PHACTR1: variants seen among roughly 807,000 people sequenced by gnomAD.
PHACTR1 encodes the protein phosphatase and actin regulator 1.
A neutral mutation model predicts 69.2 loss-of-function variants in PHACTR1; 16 were observed. The observed-to-expected ratio is 0.23, with a 90% confidence interval of 0.16 to 0.35. The LOEUF is 0.35. Among genes scored for constraint, PHACTR1 ranks in the 10% least tolerant of loss-of-function variants. The pLI is 1.00. For synonymous variants in PHACTR1, 312 were observed against 284.5 expected (o/e 1.10, Z -0.97); for missense variants, 510 against 734.7 (o/e 0.69, Z 3.54).
At chr6:12,831,154 AT>A (rs1217838977) in intron 4 of PHACTR1, among the ~76,000 whole-genome samples, 1 of 152,226 alleles carries the variant, frequency 6.6e-6, no homozygotes. Flanking sequence ...CTTATTAAAA[AT>A]CATTGCTCTG....
At chr6:13,158,438 G>A (rs1387168048) in intron 5 of PHACTR1, among the ~76,000 whole-genome samples, 6 of 152,116 alleles carry the variant, frequency 3.9e-5, no homozygotes, top group Admixed American at 2.6e-4. Context: ...ACAGATTTAT[G>A]TCTCTATTTT....
At chr6:12,977,182 C>A (rs1794987437) in intron 4 of PHACTR1, among the ~76,000 whole-genome samples, 1 of 152,096 alleles carries the variant, frequency 6.6e-6, no homozygotes, top group Admixed American at 6.5e-5. Context: ...GAACTCTTGA[C>A]CTCAGGTGAT....
chr6:13,010,418 A>G (rs1009064436), intron 4 of PHACTR1, among the ~76,000 whole-genome samples: 3 of 152,156 alleles, frequency 2.0e-5, no homozygotes, highest in Admixed American at 6.5e-5. Context: ...GTGAGCCATC[A>G]CACCCAGCCC....
intron 4 of PHACTR1, among the ~76,000 whole-genome samples, chr6:12,882,914 G>T (rs1783241455): frequency 6.6e-6 from 1 of 152,166 alleles, no homozygotes; most frequent in African/African-American, 2.4e-5. Context: ...ACAGCTTTAT[G>T]TGCACCCATG....
chr6:12,955,976 T>A (rs373393758), intron 4 of PHACTR1, among the ~76,000 whole-genome samples: 136 of 152,336 alleles, frequency 8.9e-4, no homozygotes, highest in African/African-American at 3.1e-3. Flanking sequence ...CTTAGGGTAC[T>A]GTATCTGTCT....
chr6:13,262,073 G>A (rs910835009), intron 10 of PHACTR1, among the ~76,000 whole-genome samples: 1 of 152,198 alleles, frequency 6.6e-6, no homozygotes, highest in African/African-American at 2.4e-5. Flanking sequence ...CCCTTAGAAA[G>A]ATCATTCTGT....
chr6:13,001,132 T>A (rs1798048948), intron 4 of PHACTR1, among the ~76,000 whole-genome samples: 1 of 152,124 alleles, frequency 6.6e-6, no homozygotes, highest in African/African-American at 2.4e-5. Flanking sequence ...TGGTAGAAAA[T>A]GTCATGCAAG....
chr6:13,036,645 T>C (rs1803350515), intron 4 of PHACTR1, among the ~76,000 whole-genome samples: 2 of 152,158 alleles, frequency 1.3e-5, no homozygotes, highest in South Asian at 4.1e-4. Flanking sequence ...CCAAGACAAA[T>C]TTCTAAGGAA....
chr6:13,286,082 C>CCT (rs1781639297), intron 13 of PHACTR1, 64 bp from the exon 14 acceptor site: 1 of 1,362,172 alleles, frequency 7.3e-7, no homozygotes, highest in African/African-American at 1.5e-5. Flanking sequence ...TAGGAATGAA[C>CCT]TGAAAGGGGA....
chr6:12,736,789 C>T (rs1470734425), intron 3 of PHACTR1, among the ~76,000 whole-genome samples: 1 of 152,108 alleles, frequency 6.6e-6, no homozygotes, highest in Non-Finnish European at 1.5e-5. Flanking sequence ...CTCAGATTCA[C>T]CTATTAAAAA....
intron 6 of PHACTR1, among the ~76,000 whole-genome samples, chr6:13,160,915 T>A (rs565659020): frequency 6.6e-6 from 1 of 152,218 alleles, no homozygotes; most frequent in South Asian, 2.1e-4. Context: ...ACGTATGCAG[T>A]GAACTACATG....
rs114667094 is a variant in PHACTR1, at chr6:12,851,168, G to A, written c.250+101378G>A. On this transcript the variant is annotated intron_variant, in intron 4 of 14. Transcript: ENST00000332995. ...ACAAAGGCAATAGATTTAGAAAATCGGACATGTCCTTGGCCAGACTGATCA... is the reference window on the plus strand; with the variant it reads ...ACAAAGGCAATAGATTTAGAAAATCAGACATGTCCTTGGCCAGACTGATCA... Among the ~76,000 whole-genome samples, 349 of 152,234 alleles carry A rather than the reference G, an allele frequency of 2.3e-3. 1 individual carries two copies. Among genetic ancestry groups the A allele is most frequent in the Non-Finnish European group, 4.0e-3 (270 of 68,018 alleles).
chr6:13,180,887 A>T (rs1225987709), intron 6 of PHACTR1, among the ~76,000 whole-genome samples: 2 of 152,196 alleles, frequency 1.3e-5, no homozygotes, highest in African/African-American at 4.8e-5. Context: ...ATGGGCTTAC[A>T]GTCTGCACTG....
chr6:13,164,400 T>A (rs778293265), intron 6 of PHACTR1, among the ~76,000 whole-genome samples: 15 of 152,294 alleles, frequency 9.8e-5, no homozygotes, highest in African/African-American at 2.9e-4. Flanking sequence ...CACCATCTCC[T>A]TGTGTTAGCG....
At chr6:12,877,842 G>A (rs1223432756) in intron 4 of PHACTR1, among the ~76,000 whole-genome samples, 1 of 152,166 alleles carries the variant, frequency 6.6e-6, no homozygotes, top group Non-Finnish European at 1.5e-5. Context: ...TAGGCTCAGT[G>A]TCCACAATTC....
In PHACTR1 at chr6:13,215,192, C is replaced by T. The variant is rs143963153; in HGVS notation, c.986+9056C>T. 5.5e-3 allele frequency among the ~76,000 whole-genome samples: 843 copies of T among 152,310 alleles called. 9 individuals carry two copies. The highest frequency in any genetic ancestry group is 0.018 in the African/African-American group (747 of 41,564). ...TGAGTACATTTTCTAGACCAGGCTCCGTGCTTGGCACTGGGGATGTAACAG... is the reference window on the plus strand; with the variant it reads ...TGAGTACATTTTCTAGACCAGGCTCTGTGCTTGGCACTGGGGATGTAACAG... On this transcript the variant is annotated intron_variant, in intron 8 of 14. Transcript: ENST00000332995.
chr6:13,005,801 A>G (rs1798713834), intron 4 of PHACTR1, among the ~76,000 whole-genome samples: 1 of 152,190 alleles, frequency 6.6e-6, no homozygotes, highest in Non-Finnish European at 1.5e-5. Context: ...TTAATACACC[A>G]GTGACATCCA....
chr6:13,193,385 A>ATATATATATATATATATAT (rs1561971538), intron 7 of PHACTR1, among the ~76,000 whole-genome samples: 11 of 136,514 alleles, frequency 8.1e-5, no homozygotes, highest in Non-Finnish European at 1.3e-4. Context: ...ATATATATAT[A>ATATATATATATATATATAT]GTTTTGGGGA....
intron 10 of PHACTR1, among the ~76,000 whole-genome samples, chr6:13,244,458 C>CT (rs1773305497): frequency 6.6e-6 from 1 of 152,138 alleles, no homozygotes; most frequent in African/African-American, 2.4e-5. Context: ...CCTAATAAGC[C>CT]TGGGAGCGCT....
Sources: allele counts gnomAD v4.1 joint callset (sites outside exome capture counted in the v4.1 genomes callset), GRCh38; gene constraint gnomAD v4.1.1; transcripts MANE v1.5; gene names NCBI Gene and HGNC (gene_info 2026-07-23, HGNC 2026-07-21).